TNR: variants seen among roughly 807,000 people sequenced by gnomAD.
The protein encoded by TNR is tenascin R.
TNR carries 45 observed loss-of-function variants against 150.4 expected under a neutral mutation model. The ratio of observed to expected loss-of-function variants is 0.30; its 90% CI spans 0.24 to 0.38. TNR has a LOEUF of 0.38. Among genes scored for constraint, TNR ranks in the 10% least tolerant of loss-of-function variants. TNR has a pLI of 1.00. For synonymous variants in TNR, 687 were observed against 678.4 expected, an observed-to-expected ratio of 1.01 and a Z score of -0.20; for missense variants, 1,544 against 1,759.1, an observed-to-expected ratio of 0.88 and a Z score of 2.19.
chr1:175,688,216 G>C (rs1666257754), intron 1 of TNR, among the ~76,000 whole-genome samples: 1 of 152,206 alleles, frequency 6.6e-6, no homozygotes, highest in Admixed American at 6.5e-5. Flanking sequence ...GCTGGGTACA[G>C]GGAGGAGCCC....
chr1:175,646,110 T>C (rs558779716), intron 1 of TNR, among the ~76,000 whole-genome samples: 170 of 152,238 alleles, frequency 1.1e-3, no homozygotes, highest in African/African-American at 2.3e-3. Flanking sequence ...AATAAAGATA[T>C]TCTAGTTGCA....
At chr1:175,345,113 CAAACA>C (rs749052024) in intron 18 of TNR, among the ~76,000 whole-genome samples, 6 of 151,812 alleles carry the variant, frequency 4.0e-5, no homozygotes, top group African/African-American at 7.3e-5. Flanking sequence ...GTCAAAAAAA[CAAACA>C]AAACAAAACA....
intron 2 of TNR, among the ~76,000 whole-genome samples, chr1:175,501,117 C>T (rs541247287): frequency 6.6e-6 from 1 of 152,248 alleles, no homozygotes; most frequent in Admixed American, 6.5e-5. Flanking sequence ...CCTTTAAGTT[C>T]TCTAATTAGC....
In TNR at chr1:175,594,848, C is replaced by T. The variant is rs570456623; in HGVS notation, c.-164-66479G>A. The stretch of plus-strand genomic sequence containing the variant: ...CTCCAGCCTGGGCAACAGAGTGAGA[C>T]CTTGTTTCTAAAAAAAAAAAAAAAA... On this transcript the variant is annotated intron_variant, in intron 1 of 22. Coordinates refer to ENST00000367674, the MANE Select transcript of TNR (RefSeq NM_003285.3). 3.7e-4 allele frequency among the ~76,000 whole-genome samples: 52 copies of T among 139,964 alleles called. No individual in the cohort carries two copies. In the South Asian group the frequency reaches 4.3e-3, roughly 12 times the overall value. The allele number at this position is 139,964 out of a possible 152,430, so 91.8% of individuals were successfully genotyped here.
chr1:175,620,148 G>T (rs1185814387), intron 1 of TNR, among the ~76,000 whole-genome samples: 2 of 152,172 alleles, frequency 1.3e-5, no homozygotes. Flanking sequence ...GATTTCAGGG[G>T]CCCAGAGGTA....
chr1:175,711,361 T>G (rs1490668842), intron 1 of TNR, among the ~76,000 whole-genome samples: 3 of 151,766 alleles, frequency 2.0e-5, no homozygotes, highest in Non-Finnish European at 4.4e-5. Context: ...TGCAAAGCCC[T>G]AGGCAGGAGC....
chr1:175,719,691 T>C (rs1194506675), intron 1 of TNR, among the ~76,000 whole-genome samples: 2 of 152,102 alleles, frequency 1.3e-5, no homozygotes, highest in Middle Eastern at 3.2e-3. Context: ...AGCCCAAGTG[T>C]CCCTGATTAG....
intron 3 of TNR, among the ~76,000 whole-genome samples, chr1:175,405,527 C>A (rs1255082054): frequency 1.3e-5 from 2 of 152,004 alleles, no homozygotes; most frequent in Non-Finnish European, 2.9e-5. Context: ...GAGATTTCAG[C>A]CTTTTGGAGG....
chr1:175,393,938 TG>T (rs1338387814), intron 5 of TNR, 43 bp from the exon 6 acceptor site: 1 of 1,467,018 alleles, frequency 6.8e-7, no homozygotes, highest in South Asian at 1.1e-5. Flanking sequence ...GGCTAACCCT[TG>T]GGACAGACAG....
chr1:175,530,703 A>G, intron 1 of TNR, among the ~76,000 whole-genome samples: 1 of 148,924 alleles, frequency 6.7e-6, no homozygotes, highest in East Asian at 2.0e-4. Flanking sequence ...CTATACATGT[A>G]GAATTTTTAG....
intron 2 of TNR, among the ~76,000 whole-genome samples, chr1:175,494,425 T>C (rs1280437301): frequency 6.6e-6 from 1 of 151,948 alleles, no homozygotes; most frequent in Non-Finnish European, 1.5e-5. Flanking sequence ...TCAGGAGAGG[T>C]TGGCATGGGA....
intron 1 of TNR, among the ~76,000 whole-genome samples, chr1:175,601,586 A>T (rs1197070315): frequency 6.6e-6 from 1 of 152,202 alleles, no homozygotes; most frequent in African/African-American, 2.4e-5. Flanking sequence ...ATTTATGGAG[A>T]TAAAATGTTA....
At chr1:175,680,704 TG>T (rs931660086) in intron 1 of TNR, among the ~76,000 whole-genome samples, 14 of 152,124 alleles carry the variant, frequency 9.2e-5, no homozygotes, top group African/African-American at 3.4e-4. Context: ...GGACAGGGCA[TG>T]GGGGACTAAC....
chr1:175,570,756 A>G (rs1050693418), intron 1 of TNR, among the ~76,000 whole-genome samples: 2 of 152,114 alleles, frequency 1.3e-5, no homozygotes, highest in African/African-American at 4.8e-5. Context: ...TTATAAAAGG[A>G]GTCATCAAAA....
At chr1:175,737,663 C>A (rs1043486380) in intron 1 of TNR, among the ~76,000 whole-genome samples, 9 of 152,152 alleles carry the variant, frequency 5.9e-5, no homozygotes, top group African/African-American at 1.9e-4. Flanking sequence ...GAGGACACAT[C>A]CAGATTTAAA....
intron 2 of TNR, among the ~76,000 whole-genome samples, chr1:175,434,954 A>T (rs1456072792): frequency 6.6e-6 from 1 of 151,398 alleles, no homozygotes; most frequent in Non-Finnish European, 1.5e-5. Context: ...TCTCCTTTTC[A>T]CTCCCACAGC....
At chr1:175,446,527 T>C (rs2102087580) in intron 2 of TNR, among the ~76,000 whole-genome samples, 1 of 152,284 alleles carries the variant, frequency 6.6e-6, no homozygotes, top group Non-Finnish European at 1.5e-5. Flanking sequence ...TATATTGCTA[T>C]GAAGATAAAA....
intron 1 of TNR, among the ~76,000 whole-genome samples, chr1:175,694,702 A>T (rs368440696): frequency 1.3e-5 from 2 of 152,298 alleles, no homozygotes; most frequent in Non-Finnish European, 1.5e-5. Flanking sequence ...TTAAAGTGAG[A>T]ACATTAGAAT....
chr1:175,548,530 C>T (rs1327800533), intron 1 of TNR, among the ~76,000 whole-genome samples: 2 of 152,066 alleles, frequency 1.3e-5, no homozygotes, highest in African/African-American at 2.4e-5. Flanking sequence ...GTCCCTCTTC[C>T]TATATCCGCT....
Sources: gnomAD v4.1 joint callset for allele counts (sites outside exome capture counted in the v4.1 genomes callset) on GRCh38, gnomAD v4.1.1 for gene constraint, MANE v1.5 for transcripts, NCBI Gene and HGNC (gene_info 2026-07-23, HGNC 2026-07-21) for gene names.